PPARGC1B: variants seen among roughly 807,000 people sequenced by gnomAD.
PPARGC1B encodes PPARG coactivator 1 beta, also known as peroxisome proliferator-activated receptor gamma coactivator 1-beta.
PPARGC1B carries 34 observed loss-of-function variants against 101.6 expected under a neutral mutation model. The observed-to-expected ratio is 0.33, with a 90% CI of 0.25 to 0.45. The LOEUF (loss-of-function observed/expected upper bound fraction) is 0.45, where lower values mean the gene tolerates loss of function less well. Among genes scored for constraint, PPARGC1B ranks in the 20% least tolerant of loss-of-function variants. The pLI is 1.00. For missense variants in PPARGC1B, 1,234 were observed against 1,317.6 expected, an observed-to-expected ratio of 0.94 and a Z score of 0.98; for synonymous variants, 548 against 539.3, an observed-to-expected ratio of 1.02 and a Z score of -0.22.
At chr5:149,786,554 G>C (rs1416190433) in intron 1 of PPARGC1B, among the ~76,000 whole-genome samples, 1 of 152,194 alleles carries the variant, frequency 6.6e-6, no homozygotes, top group African/African-American at 2.4e-5. Context: ...ACTTATTTTT[G>C]ATGGGAAGAT....
chr5:149,748,371 G>A (rs1755165996), intron 1 of PPARGC1B, among the ~76,000 whole-genome samples: 1 of 151,840 alleles, frequency 6.6e-6, no homozygotes, highest in African/African-American at 2.4e-5. Context: ...AAGATGAGAA[G>A]GTACAATGTC....
intron 1 of PPARGC1B, among the ~76,000 whole-genome samples, chr5:149,764,909 G>A (rs1356208253): frequency 6.6e-6 from 1 of 152,214 alleles, no homozygotes; most frequent in Non-Finnish European, 1.5e-5. Context: ...GAGCCTCCAA[G>A]CATGGACTCC....
chr5:149,787,995 C>T (rs1470081392), intron 1 of PPARGC1B, among the ~76,000 whole-genome samples: 1 of 152,130 alleles, frequency 6.6e-6, no homozygotes, highest in East Asian at 1.9e-4. Context: ...TAGGCAATAC[C>T]ATTCAGGACA....
In PPARGC1B at chr5:149,730,920, T is replaced by C. The variant is rs1754436816; in HGVS notation, c.78+500T>C. 6.6e-6 allele frequency among the ~76,000 whole-genome samples: 1 copy of C among 152,186 alleles called. No individual in the cohort carries two copies. Among genetic ancestry groups the C allele is most frequent in the African/African-American group, 2.4e-5 (1 of 41,446 alleles). Reference sequence around the variant, plus strand: ...CTGTTGCTGGCCCCCCGCGGCTTTCTACCCGCGCCCGCAGCGCGGAGTTTC... The same window carrying C: ...CTGTTGCTGGCCCCCCGCGGCTTTCCACCCGCGCCCGCAGCGCGGAGTTTC... On this transcript the variant is annotated intron_variant, in intron 1 of 11. Coordinates refer to ENST00000309241, the MANE Select transcript of PPARGC1B (RefSeq NM_133263.4). The surrounding 1 kb of genome is among the most constrained non-coding windows in gnomAD (Gnocchi z 4.0).
chr5:149,750,567 A>G (rs73263766), intron 1 of PPARGC1B, among the ~76,000 whole-genome samples: 4,009 of 150,842 alleles, frequency 0.027, 175 homozygotes, highest in African/African-American at 0.092. Context: ...GTGCTCTTTG[A>G]GGTTCAGAAT....
chr5:149,744,506 G>A (rs866952030), intron 1 of PPARGC1B, among the ~76,000 whole-genome samples: 1 of 152,172 alleles, frequency 6.6e-6, no homozygotes, highest in African/African-American at 2.4e-5. Context: ...ACAGTGTATC[G>A]TGTCTGAGGA....
intron 1 of PPARGC1B, among the ~76,000 whole-genome samples, chr5:149,743,690 G>C (rs961617972): frequency 6.6e-6 from 1 of 152,170 alleles, no homozygotes; most frequent in African/African-American, 2.4e-5. Flanking sequence ...AGGATGTGTG[G>C]GTGAGGTGAG....
chr5:149,783,165 C>A lies in PPARGC1B; in HGVS notation c.79-37268C>A, dbSNP rs532883891. Among the ~76,000 whole-genome samples, 5 of 152,198 alleles carry A rather than the reference C, an allele frequency of 3.3e-5. No homozygotes were observed. In the South Asian group the frequency reaches 8.3e-4, roughly 25 times the overall value. ...CTGGGCCACATTTGTTCCCCTCCTG[C>A]CATACTCAACACCCCAGAGGCCAAT... On this transcript the variant is annotated intron_variant, in intron 1 of 11. Transcript: ENST00000309241.
chr5:149,747,309 C>T (rs140078766), intron 1 of PPARGC1B, among the ~76,000 whole-genome samples: 1 of 152,318 alleles, frequency 6.6e-6, no homozygotes, highest in Non-Finnish European at 1.5e-5. Flanking sequence ...TTCATTCCTT[C>T]GCATAACTGA....
At chr5:149,816,933 C>A (rs1758077055) in intron 1 of PPARGC1B, among the ~76,000 whole-genome samples, 1 of 152,226 alleles carries the variant, frequency 6.6e-6, no homozygotes, top group South Asian at 2.1e-4. Context: ...TGGTCCTACC[C>A]CCATCACACT....
chr5:149,826,602 G>T, intron 2 of PPARGC1B, 71 bp from the exon 3 acceptor site: 1 of 1,219,400 alleles, frequency 8.2e-7, no homozygotes, highest in Middle Eastern at 1.9e-4. Flanking sequence ...CCACCGTGGA[G>T]ACTGAGTCTA....
chr5:149,772,708 T>C (rs540326791), intron 1 of PPARGC1B, among the ~76,000 whole-genome samples: 1 of 152,318 alleles, frequency 6.6e-6, no homozygotes, highest in African/African-American at 2.4e-5. Context: ...CTTAGTTACC[T>C]CTTTAAAGAG....
chr5:149,730,497 G>A lies in PPARGC1B; in HGVS notation c.78+77G>A, dbSNP rs1754410265. 4.0e-6 allele frequency: 5 copies of A among 1,244,320 alleles called. No individual in the cohort carries two copies. Among genetic ancestry groups the A allele is most frequent in the Non-Finnish European group, 5.5e-6 (5 of 916,560 alleles). 77.1% of individuals were successfully genotyped at this position (1,244,320 alleles called of 1,614,324 possible). A position where few individuals can be genotyped will look rare whatever the true frequency, so the allele number is the denominator to read the frequency against. The stretch of plus-strand genomic sequence containing the variant: ...GGCCGCAGCTGCAGCCGCGGAGGCC[G>A]GGAGGCAGCGGTGGGAGCCCTGGGG... On this transcript the variant is annotated intron_variant, in intron 1 of 11. Transcript: ENST00000309241. This position sits in a 1 kb window ranked among gnomAD's most constrained non-coding sequence, Gnocchi z 4.0.
At chr5:149,810,886 A>G (rs931890713) in intron 1 of PPARGC1B, among the ~76,000 whole-genome samples, 2 of 152,030 alleles carry the variant, frequency 1.3e-5, no homozygotes, top group Non-Finnish European at 2.9e-5. Context: ...CCCTTCCGGT[A>G]CACAAAACCT....
intron 1 of PPARGC1B, among the ~76,000 whole-genome samples, chr5:149,735,010 A>G (rs1330644651): frequency 6.6e-6 from 1 of 152,092 alleles, no homozygotes; most frequent in Non-Finnish European, 1.5e-5. Flanking sequence ...GGCTCCACAC[A>G]CCCCTTGAAG....
chr5:149,776,062 C>A (rs1158882179), intron 1 of PPARGC1B, among the ~76,000 whole-genome samples: 2 of 152,204 alleles, frequency 1.3e-5, no homozygotes, highest in Non-Finnish European at 2.9e-5. Context: ...CTCTGCCATA[C>A]CAAGATACCA....
chr5:149,761,327 G>A (rs1755709122), intron 1 of PPARGC1B: 1 of 152,048 alleles, frequency 6.6e-6, no homozygotes, highest in African/African-American at 2.4e-5. Flanking sequence ...ACAATATAGT[G>A]TTTAGTCACA....
intron 1 of PPARGC1B, among the ~76,000 whole-genome samples, chr5:149,742,346 C>T (rs1298662436): frequency 1.3e-5 from 2 of 152,212 alleles, no homozygotes; most frequent in East Asian, 3.8e-4. Flanking sequence ...TCCTGTAGTT[C>T]CCCCTCTCAG....
chr5:149,762,637 G>A (rs909692723), intron 1 of PPARGC1B, among the ~76,000 whole-genome samples: 2 of 152,218 alleles, frequency 1.3e-5, no homozygotes, highest in African/African-American at 2.4e-5. Context: ...CAGGGCTTGG[G>A]CTGTTTCTGC....
Sources: gnomAD v4.1 joint callset for allele counts (sites outside exome capture counted in the v4.1 genomes callset) on GRCh38, gnomAD v4.1.1 for gene constraint, Gnocchi (gnomAD v3.1) non-coding constraint, MANE v1.5 for transcripts, NCBI Gene and HGNC (gene_info 2026-07-23, HGNC 2026-07-21) for gene names.